DDR1: variants seen among roughly 807,000 people sequenced by gnomAD.
DDR1 encodes the protein discoidin domain receptor tyrosine kinase 1, also known as epithelial discoidin domain-containing receptor 1.
Under a neutral mutation model 97.4 loss-of-function variants are expected in DDR1, and 64 were observed. That is an observed-to-expected ratio of 0.66 (90% CI 0.54 to 0.81). The LOEUF (loss-of-function observed/expected upper bound fraction) is 0.81. Ranked by LOEUF, DDR1 falls within the 30% of genes least tolerant of loss-of-function variation. The probability of loss-of-function intolerance (pLI) is 0.00; values close to 1 mark genes in which losing one functional copy is unlikely to be tolerated. For synonymous variants in DDR1, 458 were observed against 503.7 expected, an observed-to-expected ratio of 0.91 and a Z score of 1.21; for missense variants, 990 against 1,259.6, an observed-to-expected ratio of 0.79 and a Z score of 3.24.
upstream of DDR1, chr6:30,883,795 AAGG>A (rs779138350): frequency 5.2e-5 from 8 of 152,508 alleles, no homozygotes; most frequent in Non-Finnish European, 7.3e-5. The surrounding 1 kb of genome is among the most constrained non-coding windows in gnomAD (Gnocchi z 4.9). Flanking sequence ...CTGAGAGGAG[AAGG>A]AGAAGAGAGT....
Position 30,899,318 on chromosome 6 carries a change from C to T in DDR1, c.*22C>T. On this transcript the variant is annotated 3_prime_UTR_variant, in exon 18 of 18. Coordinates refer to ENST00000376568, the MANE Select transcript of DDR1 (RefSeq NM_001297654.2). ...GTGAATCACACATCCAGCTGCCCCT[C>T]CCTCAGGGAGCGATCCAGGGGAAGC... is the stretch of plus-strand genomic sequence containing the variant. 1 of 1,596,920 alleles carries T rather than the reference C, an allele frequency of 6.3e-7. No individual in the cohort carries two copies. The highest frequency in any genetic ancestry group is 8.6e-7 in the Non-Finnish European group (1 of 1,169,128).
intron 1 of DDR1, chr6:30,885,695 A>T: frequency 7.6e-7 from 1 of 1,311,504 alleles, no homozygotes; most frequent in South Asian, 1.2e-5. Context: ...GGACGGGTTG[A>T]TGTATGCATG....
chr6:30,895,353 G>T (rs760084924), intron 11 of DDR1, 51 bp from the exon 12 acceptor site: 2 of 1,411,270 alleles, frequency 1.4e-6, no homozygotes, highest in Non-Finnish European at 2.0e-6. Flanking sequence ...TGTCTGTCTA[G>T]CCTTGAGTCT....
At position 30,888,861 on chromosome 6, in the gene DDR1, T is replaced by TA. The variant is rs759856127; in HGVS notation, c.86-46dup. ...TCCCTGAGGGCCAGGGCTTGGGAGG[T>TA]AGAGAGTTGGGGGCCTTGACCTGTT... On this transcript the variant is annotated intron_variant, in intron 2 of 17. Transcript: ENST00000376568. This position sits in a 1 kb window ranked among gnomAD's most constrained non-coding sequence, Gnocchi z 4.2. The TA allele has an allele frequency of 5.6e-6, 9 of 1,612,004 alleles. No individual in the cohort carries two copies. The highest frequency in any genetic ancestry group is 7.6e-6 in the Non-Finnish European group (9 of 1,179,786).
At position 30,891,870 on chromosome 6, in the gene DDR1, G is replaced by T. The variant is rs1034800617; in HGVS notation, c.666-132G>T. On this transcript the variant is annotated intron_variant, in intron 6 of 17. Transcript: ENST00000376568. The surrounding 1 kb of genome is among the most constrained non-coding windows in gnomAD (Gnocchi z 5.3). Reference sequence around the variant, plus strand: ...GGCCAGCTGCATGAGTGTGAGGTGGGATGGGAATGGGACTAGTGGATGGGA... The same window carrying T: ...GGCCAGCTGCATGAGTGTGAGGTGGTATGGGAATGGGACTAGTGGATGGGA... 3.1e-5 allele frequency: 29 copies of T among 946,244 alleles called. No individual in the cohort carries two copies. Among genetic ancestry groups the T allele is most frequent in the Non-Finnish European group, 4.6e-5 (28 of 602,738 alleles). 58.6% of individuals were successfully genotyped at this position (946,244 alleles called of 1,614,324 possible).
Position 30,891,121 on chromosome 6 carries a change from G to T in DDR1, c.565+1G>T, listed in dbSNP as rs149184910. The T allele has an allele frequency of 6.2e-7, 1 of 1,612,896 alleles. No individual in the cohort carries two copies. Among genetic ancestry groups the T allele is most frequent in the Non-Finnish European group, 8.5e-7 (1 of 1,179,986 alleles). On this transcript the variant is annotated splice_donor_variant, in intron 5 of 17. Transcript: ENST00000376568. LOFTEE classifies it high-confidence loss of function. The surrounding 1 kb of genome is among the most constrained non-coding windows in gnomAD (Gnocchi z 5.3). ...GAGCTCTATGGCTGCCTCTGGAGGGGTGAGTGGCTCAGCTTCCTGGGAATC... is the reference window on the plus strand; with the variant it reads ...GAGCTCTATGGCTGCCTCTGGAGGGTTGAGTGGCTCAGCTTCCTGGGAATC...
intron 11 of DDR1, 22 bp from the exon 12 acceptor site, chr6:30,895,382 C>A: frequency 6.3e-7 from 1 of 1,584,202 alleles, no homozygotes; most frequent in Admixed American, 1.7e-5. Flanking sequence ...CCCCGTGTTT[C>A]CCCTCCTCCT....
rs758740676 is a variant in DDR1 at position 30,892,278 on chromosome 6, C to T, written c.853-18C>T. The T allele has an allele frequency of 1.9e-6, 3 of 1,581,840 alleles. No individual in the cohort carries two copies. Among genetic ancestry groups the T allele is most frequent in the Non-Finnish European group, 1.7e-6 (2 of 1,161,152 alleles). ...CCACTCCTAGCCTTGACCCTGTGCC[C>T]TCTTCCCTTCCCCCCAGGTCCACTG... On this transcript the variant is annotated intron_variant, in intron 7 of 17. Coordinates refer to ENST00000376568, the MANE Select transcript of DDR1 (RefSeq NM_001297654.2).
intron 17 of DDR1, 22 bp downstream of exon 17, chr6:30,899,059 G>T (rs1792019032): frequency 6.2e-7 from 1 of 1,614,166 alleles, no homozygotes; most frequent in Non-Finnish European, 8.5e-7. Flanking sequence ...GGAGAGGGAA[G>T]ATGGGTCCGA....
Position 30,890,779 on chromosome 6 carries a change from C to T in DDR1, c.418-194C>T. 2 of 543,846 alleles carry T rather than the reference C, an allele frequency of 3.7e-6. No individual in the cohort carries two copies. The highest frequency in any genetic ancestry group is 6.3e-6 in the Non-Finnish European group (2 of 319,630). The allele number at this position is 543,846 out of a possible 1,614,324, so 33.7% of individuals were successfully genotyped here. ...TGAGGATGGAACATCAGAGCTGCGACAGAGCCAGAGGTCTCAGCTGCAGAT... is the reference window on the plus strand; with the variant it reads ...TGAGGATGGAACATCAGAGCTGCGATAGAGCCAGAGGTCTCAGCTGCAGAT... On this transcript the variant is annotated intron_variant, in intron 4 of 17. Coordinates refer to ENST00000376568, the MANE Select transcript of DDR1 (RefSeq NM_001297654.2). This position sits in a 1 kb window ranked among gnomAD's most constrained non-coding sequence, Gnocchi z 5.0.
rs1789935298 is a variant in DDR1, at chr6:30,894,499, T to C, written c.1348-7T>C. 1.2e-6 allele frequency: 2 copies of C among 1,603,514 alleles called. No individual in the cohort carries two copies. Among genetic ancestry groups the C allele is most frequent in the Non-Finnish European group, 8.5e-7 (1 of 1,174,364 alleles). The stretch of plus-strand genomic sequence containing the variant: ...ACACGGGTGATGCCTCCCATCCCTA[T>C]GACAAGGCTGAACGGAGGGTGTTGG... On this transcript the variant is annotated splice_polypyrimidine_tract_variant and splice_region_variant and intron_variant, in intron 10 of 17. Coordinates refer to ENST00000376568, the MANE Select transcript of DDR1 (RefSeq NM_001297654.2). The surrounding 1 kb of genome is among the most constrained non-coding windows in gnomAD (Gnocchi z 5.7).
At position 30,892,059 on chromosome 6, in the gene DDR1, T is replaced by G. The variant is rs1014058654; in HGVS notation, c.723T>G (p.Phe241Leu). ...ATGGTGTGGTGGGGCTGGATGACTT[T>G]AGGAAGAGTCAGGAGCTGCGGGTCT... Reference protein sequence around the residue: ...LADGVVGLDDFRKSQELRVWP... With the variant: ...LADGVVGLDDLRKSQELRVWP... The change falls in exon 7 of 18, where the codon TTT becomes TTG. Residue 241 changes from phenylalanine (F) to leucine (L), a missense_variant. Phe to Leu is a conservative substitution (Grantham distance 22). Coordinates refer to ENST00000376568, the MANE Select transcript of DDR1 (RefSeq NM_001297654.2). 2 of 1,613,972 alleles carry G rather than the reference T, an allele frequency of 1.2e-6. No individual in the cohort carries two copies. The highest frequency in any genetic ancestry group is 2.7e-5 in the African/African-American group (2 of 74,904).
At chr6:30,892,740 A>G (rs577848203) in intron 8 of DDR1, 198 bp downstream of exon 8, 275 of 673,574 alleles carry the variant, frequency 4.1e-4, no homozygotes, top group Non-Finnish European at 5.6e-4. Flanking sequence ...TTTCCTTTGT[A>G]AGCCCCTTGC....
chr6:30,889,525 T>C lies in DDR1; in HGVS notation c.417+95T>C. The C allele has an allele frequency of 1.1e-6, 1 of 897,118 alleles. No homozygotes were observed. Among genetic ancestry groups the C allele is most frequent in the Non-Finnish European group, 1.6e-6 (1 of 616,386 alleles). 55.6% of individuals were successfully genotyped at this position (897,118 alleles called of 1,614,324 possible). On this transcript the variant is annotated intron_variant, in intron 4 of 17. Transcript: ENST00000376568. The surrounding 1 kb of genome is among the most constrained non-coding windows in gnomAD (Gnocchi z 4.9). ...CCTATACGCTGACGACTCTCCAGTTTATATCATCTCCAGACTAAGCCTCTC... is the reference window on the plus strand; with the variant it reads ...CCTATACGCTGACGACTCTCCAGTTCATATCATCTCCAGACTAAGCCTCTC...
rs2150355645 is a variant in DDR1, at chr6:30,892,378, C to T, written c.935C>T (p.Ala312Val). 1 of 1,590,878 alleles carries T rather than the reference C, an allele frequency of 6.3e-7. No homozygotes were observed. The change falls in exon 8 of 18, where the codon GCC (alanine) becomes GTC (valine). Residue 312 changes from alanine to valine, a missense_variant. Transcript: ENST00000376568. ...CGCTTCCGGCGTGGCCCTGCCATGG[C>T]CTGGGAGGGGGAGCCCATGCGCCAC... ...ECRFRRGPAM[A>V]WEGEPMRHNL...
At position 30,896,774 on chromosome 6, in the gene DDR1, C is replaced by A. The variant is rs747817280; in HGVS notation, c.1778C>A (p.Pro593Gln). 1.9e-6 allele frequency: 3 copies of A among 1,584,948 alleles called. No individual in the cohort carries two copies. The highest frequency in any genetic ancestry group is 1.8e-5 in the Admixed American group (1 of 56,586). ...GNTYAVPALP[P>Q]GAVGDGPPRV... ...ACCTATGCTGTGCCTGCACTGCCCC[C>A]AGGGGCAGTCGGGGATGGGCCCCCC... Residue 593 changes from proline (P) to glutamine (Q), a missense_variant, in exon 13 of 18, where the codon CCA becomes CAA. Coordinates refer to ENST00000376568, the MANE Select transcript of DDR1 (RefSeq NM_001297654.2).
chr6:30,884,271 G>T (rs1784915380), upstream of DDR1: 2 of 145,540 alleles, frequency 1.4e-5, no homozygotes, highest in South Asian at 3.6e-4. The surrounding 1 kb of genome is among the most constrained non-coding windows in gnomAD (Gnocchi z 6.1). Context: ...TGGCGGGCGG[G>T]TTACCTGGGG....
upstream of DDR1, chr6:30,884,008 T>C: frequency 6.5e-6 from 1 of 153,160 alleles, no homozygotes; most frequent in Non-Finnish European, 1.5e-5. The surrounding 1 kb of genome is among the most constrained non-coding windows in gnomAD (Gnocchi z 6.1). Context: ...TGTGGGAACC[T>C]GCTTCTTCCT....
Position 30,897,192 on chromosome 6 carries a change from TG to T in DDR1, c.1997+55del. 3 of 1,596,046 alleles carry T rather than the reference TG, an allele frequency of 1.9e-6. No homozygotes were observed. The highest frequency in any genetic ancestry group is 2.6e-6 in the Non-Finnish European group (3 of 1,174,062). ...AGAAGGGAGGGGAGGCCGTGAAGAG[TG>T]GGGAGCCATCTAGAGAGAACAATGG... On this transcript the variant is annotated intron_variant, in intron 14 of 17. Coordinates refer to ENST00000376568, the MANE Select transcript of DDR1 (RefSeq NM_001297654.2). This position sits in a 1 kb window ranked among gnomAD's most constrained non-coding sequence, Gnocchi z 5.2.
Sources: allele counts gnomAD v4.1 joint callset, GRCh38; gene constraint gnomAD v4.1.1; non-coding constraint Gnocchi (gnomAD v3.1); transcripts MANE v1.5; gene names NCBI Gene and HGNC (gene_info 2026-07-23, HGNC 2026-07-21).